MORN2: variants seen among roughly 807,000 people sequenced by gnomAD.
The protein encoded by MORN2 is MORN repeat-containing protein 2.
A neutral mutation model predicts 13.4 loss-of-function variants in MORN2; 15 were observed. That is an observed-to-expected ratio of 1.12 (90% confidence interval 0.75 to 1.72). The LOEUF is 1.72. Ranked by LOEUF, MORN2 falls within the 40% of genes most tolerant of loss-of-function variation. The pLI is 0.00. For missense variants in MORN2, 168 were observed against 134.6 expected (o/e 1.25, Z -1.23); for synonymous variants, 46 against 43.6 (o/e 1.06, Z -0.22).
chr2:38,876,511 C>T (rs1433901308), intron 1 of MORN2, among the ~76,000 whole-genome samples: 1 of 152,242 alleles, frequency 6.6e-6, no homozygotes, highest in Non-Finnish European at 1.5e-5. Flanking sequence ...AAGTGCCCTT[C>T]ATTCACTAGA....
In MORN2 at chr2:38,882,417, G is replaced by A. The variant is rs3099950; in HGVS notation, c.358G>A (p.Glu120Lys). The A allele has an allele frequency of 0.11, 175,788 of 1,538,888 alleles. 11,090 individuals are homozygous for A. The highest frequency in any genetic ancestry group is 0.16 in the South Asian group (13,088 of 83,154). The change falls in exon 5 of 5, where the codon GAA becomes AAA. Residue 120 changes from glutamate (E) to lysine (K), a missense_variant. Glu to Lys is a moderately conservative substitution (Grantham distance 56). Coordinates refer to ENST00000644631, the MANE Select transcript of MORN2 (RefSeq NM_001145450.3). ...ACTTATTTTCTACTATTGCAGGGTG[G>A]AAGGTGAAGGGGAATATACTGATAT... is the stretch of plus-strand genomic sequence containing the variant.
At chr2:38,881,689 C>T (rs566750478) in intron 4 of MORN2, 111 bp downstream of exon 4, 183 of 911,264 alleles carry the variant, frequency 2.0e-4, no homozygotes, top group African/African-American at 1.6e-3. Context: ...CTCCCTCTGT[C>T]ATCCAGGCAG....
In MORN2 at chr2:38,881,554, A is replaced by T. The variant is rs1357997471; in HGVS notation, c.329A>T (p.Tyr110Phe). ...TACACATTCCCAAATGGGGCAAAGT[A>T]TACTGGAAATTTCAATGAAAATAGG... Residue 110 changes from tyrosine to phenylalanine, a missense_variant, in exon 4 of 5, where the codon TAT becomes TTT. Physicochemically the swap from Tyr to Phe is conservative, Grantham distance 22. Transcript: ENST00000644631. 3 of 1,519,528 alleles carry T rather than the reference A, an allele frequency of 2.0e-6. No individual in the cohort carries two copies. The highest frequency in any genetic ancestry group is 2.6e-6 in the Non-Finnish European group (3 of 1,137,434). 94.1% of individuals were successfully genotyped at this position (1,519,528 alleles called of 1,614,324 possible). A position where few individuals can be genotyped will look rare whatever the true frequency, so the allele number is the denominator to read the frequency against.
chr2:38,882,532 A>T lies in MORN2; in HGVS notation c.*17A>T. 1 of 1,523,016 alleles carries T rather than the reference A, an allele frequency of 6.6e-7. No individual in the cohort carries two copies. Among genetic ancestry groups the T allele is most frequent in the Non-Finnish European group, 8.9e-7 (1 of 1,122,538 alleles). The allele number at this position is 1,523,016 out of a possible 1,614,324, so 94.3% of individuals were successfully genotyped here. A position where few individuals can be genotyped will look rare whatever the true frequency, so the allele number is the denominator to read the frequency against. On this transcript the variant is annotated 3_prime_UTR_variant, in exon 5 of 5. Coordinates refer to ENST00000644631, the MANE Select transcript of MORN2 (RefSeq NM_001145450.3). ...CACATGTAGATGTGATGTTAAATTA[A>T]AGTTGAAATGTAGTAATTGAAGCTT... is the stretch of plus-strand genomic sequence containing the variant.
chr2:38,876,813 T>C (rs1366045469), intron 1 of MORN2, among the ~76,000 whole-genome samples: 3 of 152,216 alleles, frequency 2.0e-5, no homozygotes, highest in African/African-American at 7.2e-5. Flanking sequence ...GTTTAGACAC[T>C]GGGCTAAGTG....
intron 4 of MORN2, 67 bp from the exon 5 acceptor site, chr2:38,882,346 A>C: frequency 9.6e-7 from 1 of 1,046,138 alleles, no homozygotes; most frequent in Middle Eastern, 2.1e-4. Context: ...TTATGCTAGA[A>C]AATCTTATAT....
chr2:38,876,310 C>G (rs1442209104), intron 1 of MORN2, 200 bp downstream of exon 1: 1 of 391,696 alleles, frequency 2.6e-6, no homozygotes, highest in East Asian at 3.6e-5. Context: ...GTTGAGACAC[C>G]CGAGGCGCGT....
intron 2 of MORN2, 37 bp from the exon 3 acceptor site, chr2:38,880,563 T>C: frequency 2.9e-6 from 4 of 1,377,638 alleles, no homozygotes; most frequent in Non-Finnish European, 3.9e-6. Context: ...ACATAACTAT[T>C]CTCATTTATA....
rs1665778154 is a variant in MORN2, at chr2:38,881,554, AT to A, written c.330del (p.Tyr110Ter). 1 of 1,519,646 alleles carries A rather than the reference AT, an allele frequency of 6.6e-7. No homozygotes were observed. Among genetic ancestry groups the A allele is most frequent in the African/African-American group, 1.4e-5 (1 of 70,994 alleles). The allele number at this position is 1,519,646 out of a possible 1,614,324, so 94.1% of individuals were successfully genotyped here. ...TACACATTCCCAAATGGGGCAAAGT[AT>A]ACTGGAAATTTCAATGAAAATAGGT... On this transcript the variant is annotated frameshift_variant, in exon 4 of 5. Coordinates refer to ENST00000644631, the MANE Select transcript of MORN2 (RefSeq NM_001145450.3). LOFTEE classifies it high-confidence loss of function.
At chr2:38,879,097 G>T (rs1489849904) in intron 1 of MORN2, among the ~76,000 whole-genome samples, 2 of 152,034 alleles carry the variant, frequency 1.3e-5, no homozygotes, top group Non-Finnish European at 2.9e-5. Context: ...TTTTCACTTG[G>T]TCTCCATTCC....
chr2:38,880,292 T>G (rs1665745993), intron 2 of MORN2, 63 bp downstream of exon 2: 1 of 399,080 alleles, frequency 2.5e-6, no homozygotes, highest in African/African-American at 2.1e-5. Flanking sequence ...AATAAAAAAC[T>G]GAGACTGTTA....
chr2:38,881,295 T>C (rs1160010566), intron 3 of MORN2, 147 bp from the exon 4 acceptor site: 5 of 632,294 alleles, frequency 7.9e-6, no homozygotes, highest in Non-Finnish European at 1.3e-5. Context: ...ATGATAAAAA[T>C]GTTGTCTTTA....
At chr2:38,879,141 C>T (rs935369041) in intron 1 of MORN2, among the ~76,000 whole-genome samples, 1 of 152,166 alleles carries the variant, frequency 6.6e-6, no homozygotes, top group African/African-American at 2.4e-5. Context: ...CAGCCCTTCC[C>T]CACTTGCTAT....
At chr2:38,880,751 T>A (rs1394394895) in intron 3 of MORN2, 45 bp downstream of exon 3, 2 of 1,544,562 alleles carry the variant, frequency 1.3e-6, no homozygotes, top group Non-Finnish European at 8.7e-7. Flanking sequence ...AATAACCCTG[T>A]AGGTTTAGTG....
rs376240722 is a variant in MORN2, at chr2:38,880,038, A to G, written c.59-141A>G. ...GTTGGGTGTGGTGGCTCACATTTGCATCCCCAGCACTTTGGGAGGCTGAGG... is the reference window on the plus strand; with the variant it reads ...GTTGGGTGTGGTGGCTCACATTTGCGTCCCCAGCACTTTGGGAGGCTGAGG... On this transcript the variant is annotated intron_variant, in intron 1 of 4. Coordinates refer to ENST00000644631, the MANE Select transcript of MORN2 (RefSeq NM_001145450.3). 1.1e-5 allele frequency: 4 copies of G among 376,888 alleles called. No individual in the cohort carries two copies. The East Asian group carries it at 1.1e-4, about 11-fold the overall frequency. The allele number at this position is 376,888 out of a possible 1,614,324, so 23.3% of individuals were successfully genotyped here.
At chr2:38,881,687 G>T in intron 4 of MORN2, 109 bp downstream of exon 4, 1 of 917,800 alleles carries the variant, frequency 1.1e-6, no homozygotes, top group Non-Finnish European at 1.5e-6. Flanking sequence ...GTCTCCCTCT[G>T]TCATCCAGGC....
At chr2:38,881,306 T>C in intron 3 of MORN2, 136 bp from the exon 4 acceptor site, 1 of 712,130 alleles carries the variant, frequency 1.4e-6, no homozygotes, top group South Asian at 2.1e-5. Flanking sequence ...GTTGTCTTTA[T>C]ACTATGGAAA....
In MORN2 at chr2:38,876,087, ATCTC is replaced by A. The variant is rs1192877858; in HGVS notation, c.39_42del (p.Ser14ThrfsTer39). ...CAGGGGGAGTCGCAGAGTTTGGAAG[ATCTC>A]TCTAACACCTCTCGGCCAAGTGAGT... On this transcript the variant is annotated frameshift_variant, in exon 1 of 5. Coordinates refer to ENST00000644631, the MANE Select transcript of MORN2 (RefSeq NM_001145450.3). LOFTEE classifies it high-confidence loss of function. The A allele has an allele frequency of 2.5e-6, 1 of 398,708 alleles. No individual in the cohort carries two copies. The highest frequency in any genetic ancestry group is 4.4e-6 in the Non-Finnish European group (1 of 226,174). 24.7% of individuals were successfully genotyped at this position (398,708 alleles called of 1,614,324 possible). A position where few individuals can be genotyped will look rare whatever the true frequency, so the allele number is the denominator to read the frequency against.
chr2:38,879,070 C>T (rs540809839), intron 1 of MORN2, among the ~76,000 whole-genome samples: 1 of 152,290 alleles, frequency 6.6e-6, no homozygotes, highest in African/African-American at 2.4e-5. Context: ...CTCAGTCTTG[C>T]GGTCCTCTTT....
Sources: allele counts gnomAD v4.1 joint callset (sites outside exome capture counted in the v4.1 genomes callset), GRCh38; gene constraint gnomAD v4.1.1; transcripts MANE v1.5; gene names NCBI Gene and HGNC (gene_info 2026-07-23, HGNC 2026-07-21).